The following FRYL variants were observed in gnomAD, a reference collection of about 807,000 sequenced individuals.
FRYL encodes the protein FRY like transcription coactivator.
FRYL carries 150 observed loss-of-function variants against 351.2 expected under a neutral mutation model. That is an observed-to-expected ratio of 0.43 (90% CI 0.37 to 0.49). The LOEUF (loss-of-function observed/expected upper bound fraction) is 0.49, where lower values mean the gene tolerates loss of function less well. FRYL is among the 20% of genes least tolerant of loss of function. FRYL has a pLI of 0.00. For synonymous variants in FRYL, 1,153 were observed against 1,257.1 expected (o/e 0.92, Z 1.75); for missense variants, 3,036 against 3,619.3 (o/e 0.84, Z 4.13).
At chr4:48,544,068 G>C (rs569442965) in intron 43 of FRYL, 71 bp from the exon 44 acceptor site, 3 of 1,326,874 alleles carry the variant, frequency 2.3e-6, no homozygotes, top group African/African-American at 1.5e-5. Context: ...AATCAGAAGT[G>C]AATCATCTTA....
chr4:48,722,432 T>C (rs1376760191), intron 1 of FRYL, among the ~76,000 whole-genome samples: 2 of 152,214 alleles, frequency 1.3e-5, no homozygotes, highest in Non-Finnish European at 2.9e-5. Flanking sequence ...TACACACTAC[T>C]GACTTTCTCA....
At chr4:48,525,449 G>A (rs1390520551) in intron 53 of FRYL, among the ~76,000 whole-genome samples, 1 of 152,122 alleles carries the variant, frequency 6.6e-6, no homozygotes, top group East Asian at 1.9e-4. Flanking sequence ...AGGGGGCACT[G>A]AGGCATGTTG....
At chr4:48,694,264 A>T (rs575136169) in intron 2 of FRYL, among the ~76,000 whole-genome samples, 3 of 152,262 alleles carry the variant, frequency 2.0e-5, no homozygotes, top group East Asian at 3.9e-4. Flanking sequence ...TCACTTCAAT[A>T]AAAAAATACA....
intron 22 of FRYL, chr4:48,580,610 T>C: frequency 2.6e-6 from 1 of 387,136 alleles, no homozygotes; most frequent in Non-Finnish European, 4.6e-6. Context: ...TAACAGAAAC[T>C]TCTTAGATTG....
chr4:48,526,533 C>T (rs893651457), intron 53 of FRYL, among the ~76,000 whole-genome samples: 21 of 152,138 alleles, frequency 1.4e-4, no homozygotes, highest in African/African-American at 4.8e-4. Flanking sequence ...TTTCTGAGAG[C>T]ATTTCTGGAT....
chr4:48,519,506 TTAA>T (rs1052954423), intron 55 of FRYL, among the ~76,000 whole-genome samples: 13 of 130,918 alleles, frequency 9.9e-5, no homozygotes, highest in African/African-American at 3.3e-4. Flanking sequence ...TTTTTTTTTT[TTAA>T]TTTTTTATTT....
chr4:48,613,424 T>A (rs1748654711), intron 7 of FRYL, among the ~76,000 whole-genome samples: 1 of 152,182 alleles, frequency 6.6e-6, no homozygotes, highest in Non-Finnish European at 1.5e-5. Context: ...GAGACTACTA[T>A]ATTTGCTTCA....
At chr4:48,755,025 A>G (rs1773633891) in intron 1 of FRYL, among the ~76,000 whole-genome samples, 1 of 152,184 alleles carries the variant, frequency 6.6e-6, no homozygotes, top group Non-Finnish European at 1.5e-5. Context: ...TACATTGCAG[A>G]ATAATGTAAG....
At chr4:48,601,053 G>A (rs182816406) in intron 13 of FRYL, among the ~76,000 whole-genome samples, 7 of 152,178 alleles carry the variant, frequency 4.6e-5, no homozygotes, top group East Asian at 3.9e-4. Flanking sequence ...TGAAAAAGAC[G>A]TACAGGATAA....
In FRYL at chr4:48,713,538, C is replaced by T. The variant is rs12644474; in HGVS notation, c.-383-2840G>A. 9.7e-4 allele frequency among the ~76,000 whole-genome samples: 148 copies of T among 152,076 alleles called. 3 individuals carry two copies. The East Asian group carries it at 0.017, about 18-fold the overall frequency. The stretch of plus-strand genomic sequence containing the variant: ...AGAGACAAAGAAGGCCATTACATAA[C>T]GGTAAAGGGATCAATTCAACAAGAA... On this transcript the variant is annotated intron_variant, in intron 1 of 63. Coordinates refer to ENST00000358350, the MANE Select transcript of FRYL (RefSeq NM_015030.2).
rs1230405859 is a variant in FRYL at position 48,710,519 on chromosome 4, C to T, written c.-204G>A. ...AAAGAGGAAATATACATGTCCTTAC[C>T]ACTTAGAAATGGTTGTTGAGGCACA... On this transcript the variant is annotated splice_region_variant and 5_prime_UTR_variant, in exon 2 of 64. The change abolishes the stop of an existing upstream ORF in the 5' untranslated region. Coordinates refer to ENST00000358350, the MANE Select transcript of FRYL (RefSeq NM_015030.2). 2.5e-6 allele frequency: 1 copy of T among 398,404 alleles called. No individual in the cohort carries two copies. Among genetic ancestry groups the T allele is most frequent in the Non-Finnish European group, 4.4e-6 (1 of 226,058 alleles). The allele number at this position is 398,404 out of a possible 1,614,324, so 24.7% of individuals were successfully genotyped here.
chr4:48,561,923 G>A (rs1735608256), intron 32 of FRYL, among the ~76,000 whole-genome samples: 1 of 152,178 alleles, frequency 6.6e-6, no homozygotes, highest in Non-Finnish European at 1.5e-5. Context: ...GGCTGAGGGT[G>A]GAGGGTCACT....
At chr4:48,726,020 TACAGAGG>T (rs1770038750) in intron 1 of FRYL, among the ~76,000 whole-genome samples, 1 of 152,138 alleles carries the variant, frequency 6.6e-6, no homozygotes, top group South Asian at 2.1e-4. Flanking sequence ...AATTGGCAAA[TACAGAGG>T]ACTGGTGAAA....
rs1742184917 is a variant in FRYL, at chr4:48,586,785, T to A, written c.1641-57A>T. On this transcript the variant is annotated intron_variant, in intron 18 of 63. Coordinates refer to ENST00000358350, the MANE Select transcript of FRYL (RefSeq NM_015030.2). ...ATATTACATATGCTAGACAATGAAA[T>A]CAAACTTGGAAAAATAACTACAGAA... is the stretch of plus-strand genomic sequence containing the variant. 5 of 1,183,368 alleles carry A rather than the reference T, an allele frequency of 4.2e-6. No homozygotes were observed. The South Asian group carries it at 5.5e-5, about 13-fold the overall frequency. 73.3% of individuals were successfully genotyped at this position (1,183,368 alleles called of 1,614,324 possible).
intron 3 of FRYL, among the ~76,000 whole-genome samples, chr4:48,656,052 CATATAATTATACATTATATAATTAT>C (rs1452194280): frequency 7.4e-6 from 1 of 134,586 alleles, no homozygotes; most frequent in African/African-American, 2.7e-5. Flanking sequence ...ATGTAATGTA[CATATAATTATACATTATATAATTAT>C]ATATAATTTT....
intron 3 of FRYL, among the ~76,000 whole-genome samples, chr4:48,663,774 C>CAAAAAAAAAAAAAAAAA (rs71191251): frequency 1.4e-5 from 1 of 70,112 alleles, no homozygotes; most frequent in African/African-American, 5.0e-5. Flanking sequence ...GACTCCGTCT[C>CAAAAAAAAAAAAAAAAA]AAAAAAAAAA....
At chr4:48,726,921 T>A (rs1199721163) in intron 1 of FRYL, among the ~76,000 whole-genome samples, 1 of 152,188 alleles carries the variant, frequency 6.6e-6, no homozygotes, top group Non-Finnish European at 1.5e-5. Flanking sequence ...CCTTGACTAG[T>A]ATATTAGTTA....
At chr4:48,538,557 C>T (rs1187594312) in intron 47 of FRYL, among the ~76,000 whole-genome samples, 1 of 152,038 alleles carries the variant, frequency 6.6e-6, no homozygotes, top group African/African-American at 2.4e-5. Context: ...GCAATCTGGG[C>T]CATGGAAAGG....
chr4:48,545,160 G>A (rs780142059), intron 42 of FRYL, among the ~76,000 whole-genome samples: 9 of 152,200 alleles, frequency 5.9e-5, no homozygotes, highest in Non-Finnish European at 1.3e-4. Context: ...TTTGCCAAGT[G>A]TGAAGCATAT....
Sources: gnomAD v4.1 joint callset for allele counts (sites outside exome capture counted in the v4.1 genomes callset) on GRCh38, gnomAD v4.1.1 for gene constraint, MANE v1.5 for transcripts, NCBI Gene and HGNC (gene_info 2026-07-23, HGNC 2026-07-21) for gene names.